SLC26A2: variants seen among roughly 807,000 people sequenced by gnomAD.
The protein encoded by SLC26A2 is solute carrier family 26 member 2.
A neutral mutation model predicts 41.1 loss-of-function variants in SLC26A2; 36 were observed. That is an observed-to-expected ratio of 0.88 (90% confidence interval 0.67 to 1.16). SLC26A2 has a LOEUF of 1.16. Ranked by LOEUF, SLC26A2 falls within the 50% of genes most tolerant of loss-of-function variation. The pLI is 0.00. For synonymous variants in SLC26A2, 291 were observed against 311.6 expected (o/e 0.93, Z 0.70); for missense variants, 796 against 869.6 (o/e 0.92, Z 1.07).
At position 149,982,847 on chromosome 5, in the gene SLC26A2, G is replaced by GTAT. The variant is rs1755133593; in HGVS notation, c.*1039_*1041dup. 2 of 152,170 alleles carry GTAT rather than the reference G, an allele frequency of 1.3e-5. No individual in the cohort carries two copies. Among genetic ancestry groups the GTAT allele is most frequent in the South Asian group, 4.1e-4 (2 of 4,828 alleles). 9.4% of individuals were successfully genotyped at this position (152,170 alleles called of 1,614,324 possible). ...TTCATAAAACCCAAGTGCTATGGGT[G>GTAT]TATTATTCATGATAGCTGGCCCACA... On this transcript the variant is annotated 3_prime_UTR_variant, in exon 3 of 3. Transcript: ENST00000286298.
intron 1 of SLC26A2, among the ~76,000 whole-genome samples, chr5:149,977,077 AT>A (rs1215102631): frequency 6.6e-6 from 1 of 152,234 alleles, no homozygotes; most frequent in Non-Finnish European, 1.5e-5. Context: ...TGCTAAAAAC[AT>A]TTATCTTTAC....
At chr5:149,966,686 T>G (rs1392873902) in intron 1 of SLC26A2, among the ~76,000 whole-genome samples, 1 of 152,206 alleles carries the variant, frequency 6.6e-6, no homozygotes, top group Non-Finnish European at 1.5e-5. Flanking sequence ...TGAGCATTTC[T>G]TTTGAGCATC....
At chr5:149,969,159 A>G (rs1290126369) in intron 1 of SLC26A2, among the ~76,000 whole-genome samples, 1 of 152,200 alleles carries the variant, frequency 6.6e-6, no homozygotes, top group African/African-American at 2.4e-5. Flanking sequence ...TCCATCAAAA[A>G]CTTTATTAGA....
intron 1 of SLC26A2, among the ~76,000 whole-genome samples, chr5:149,970,223 T>G (rs1206812399): frequency 1.3e-5 from 2 of 152,024 alleles, no homozygotes; most frequent in Non-Finnish European, 2.9e-5. Flanking sequence ...ACATATAAAC[T>G]GAGGCCAGGC....
intron 1 of SLC26A2, among the ~76,000 whole-genome samples, chr5:149,971,404 T>C (rs1344881872): frequency 6.6e-6 from 1 of 152,176 alleles, no homozygotes; most frequent in African/African-American, 2.4e-5. Flanking sequence ...TTCTTTTTCT[T>C]TTTTCTTTTC....
In SLC26A2 at chr5:149,982,015, T is replaced by TA. The variant is rs1755117024; in HGVS notation, c.*203dup. ...CTGGACAGAGTCAAAAAGAAGAAAA[T>TA]ACGGTTTCAGGCTTTCTTGCAGATA... On this transcript the variant is annotated 3_prime_UTR_variant, in exon 3 of 3. Transcript: ENST00000286298. The TA allele has an allele frequency of 1.2e-5, 7 of 578,600 alleles. No individual in the cohort carries two copies. The South Asian group carries it at 1.3e-4, about 11-fold the overall frequency. The allele number at this position is 578,600 out of a possible 1,614,324, so 35.8% of individuals were successfully genotyped here.
At chr5:149,977,100 C>A (rs1310338032) in intron 1 of SLC26A2, among the ~76,000 whole-genome samples, 2 of 152,192 alleles carry the variant, frequency 1.3e-5, no homozygotes, top group Non-Finnish European at 2.9e-5. Flanking sequence ...CTACAACCTA[C>A]TTTTCTATTT....
chr5:149,981,327 C>T lies in SLC26A2; in HGVS notation c.1734C>T (p.Ile578=). 1 of 1,614,112 alleles carries T rather than the reference C, an allele frequency of 6.2e-7. No individual in the cohort carries two copies. The highest frequency in any genetic ancestry group is 8.5e-7 in the Non-Finnish European group (1 of 1,179,992). The change falls in exon 3 of 3, where the codon ATC becomes ATT. Residue 578 remains isoleucine, a synonymous_variant. Coordinates refer to ENST00000286298, the MANE Select transcript of SLC26A2 (RefSeq NM_000112.4). ...AYKNLQIKPG[I]KIFRFVAPLY... ...AGAACCTTCAGATTAAGCCAGGCAT[C>T]AAGATTTTCCGCTTTGTAGCCCCTC...
At chr5:149,961,098 G>C (rs1257420852) in intron 1 of SLC26A2, 119 bp downstream of exon 1, 3 of 152,514 alleles carry the variant, frequency 2.0e-5, no homozygotes, top group Non-Finnish European at 4.4e-5. Flanking sequence ...TCCCAGATCA[G>C]GGGTCGCCGC....
chr5:149,978,459 T>C, intron 2 of SLC26A2, 108 bp downstream of exon 2: 1 of 1,011,256 alleles, frequency 9.9e-7, no homozygotes, highest in East Asian at 2.5e-5. Context: ...GTATCATTTA[T>C]TGAGAGTTCA....
chr5:149,977,651 A>T lies in SLC26A2; in HGVS notation c.-2A>T. 1 of 1,608,010 alleles carries T rather than the reference A, an allele frequency of 6.2e-7. No individual in the cohort carries two copies. Among genetic ancestry groups the T allele is most frequent in the East Asian group, 2.2e-5 (1 of 44,850 alleles). On this transcript the variant is annotated 5_prime_UTR_variant, in exon 2 of 3. Coordinates refer to ENST00000286298, the MANE Select transcript of SLC26A2 (RefSeq NM_000112.4). ...AGGAAGCTGAACCATCTATCTCCAG[A>T]AATGTCTTCAGAAAGTAAAGAGCAA...
In SLC26A2 at chr5:149,977,560, G is replaced by T. The variant is rs989523237; in HGVS notation, c.-25-68G>T. On this transcript the variant is annotated intron_variant, in intron 1 of 2. Coordinates refer to ENST00000286298, the MANE Select transcript of SLC26A2 (RefSeq NM_000112.4). ...TTTAACTCTCATGAAATGACAAATA[G>T]AATTGTTAGTATATGTGAGCACTGA... 37 of 839,424 alleles carry T rather than the reference G, an allele frequency of 4.4e-5. No individual in the cohort carries two copies. In the Admixed American group the frequency reaches 6.4e-4, roughly 15 times the overall value. 52.0% of individuals were successfully genotyped at this position (839,424 alleles called of 1,614,324 possible).
chr5:149,975,956 G>A (rs1237364177), intron 1 of SLC26A2, among the ~76,000 whole-genome samples: 3 of 152,140 alleles, frequency 2.0e-5, no homozygotes, highest in African/African-American at 4.8e-5. Context: ...TTAGGACTTC[G>A]AGACCAGCCT....
In SLC26A2 at chr5:149,980,622, C is replaced by T. The variant is rs1755079512; in HGVS notation, c.1029C>T (p.Ala343=). The change falls in exon 3 of 3, where the codon GCC becomes GCT. Residue 343 remains alanine, a synonymous_variant. Coordinates refer to ENST00000286298, the MANE Select transcript of SLC26A2 (RefSeq NM_000112.4). ...TTGAACTTGTTGTTGTTGTAGCAGC[C>T]ACATTAGCCTCTCATTTTGGAAAAC... The part of the protein sequence containing the change: ...IPIELVVVVA[A]TLASHFGKLH... 1 of 1,614,026 alleles carries T rather than the reference C, an allele frequency of 6.2e-7. No individual in the cohort carries two copies. The highest frequency in any genetic ancestry group is 8.5e-7 in the Non-Finnish European group (1 of 1,179,906).
chr5:149,963,234 C>A (rs1754743731), intron 1 of SLC26A2, among the ~76,000 whole-genome samples: 1 of 151,234 alleles, frequency 6.6e-6, no homozygotes, highest in Admixed American at 6.6e-5. Flanking sequence ...GTCAGCCTCC[C>A]AAGTAGCTGG....
intron 2 of SLC26A2, among the ~76,000 whole-genome samples, chr5:149,978,879 A>T (rs1447428447): frequency 6.6e-6 from 1 of 151,216 alleles, no homozygotes; most frequent in Non-Finnish European, 1.5e-5. Flanking sequence ...ATTTTATTTT[A>T]TTTTTTATTT....
chr5:149,976,627 A>G (rs1157134628), intron 1 of SLC26A2, among the ~76,000 whole-genome samples: 1 of 152,078 alleles, frequency 6.6e-6, no homozygotes, highest in Non-Finnish European at 1.5e-5. Context: ...CGGTTATTAG[A>G]CTTACTATTT....
rs868033763 is a variant in SLC26A2, at chr5:149,986,964, A to T, written c.*5151A>T. 1 of 152,260 alleles carries T rather than the reference A, an allele frequency of 6.6e-6. No individual in the cohort carries two copies. Among genetic ancestry groups the T allele is most frequent in the Non-Finnish European group, 1.5e-5 (1 of 68,042 alleles). The allele number at this position is 152,260 out of a possible 1,614,324, so 9.4% of individuals were successfully genotyped here. A position where few individuals can be genotyped will look rare whatever the true frequency, so the allele number is the denominator to read the frequency against. On this transcript the variant is annotated 3_prime_UTR_variant, in exon 3 of 3. Transcript: ENST00000286298. ...TTCTCAGAAATGAGTGTGTATGAAC[A>T]TACCAATCTATGTAATAGGCTACCT...
Position 149,985,885 on chromosome 5 carries a change from A to G in SLC26A2, c.*4072A>G, listed in dbSNP as rs1755190553. 6.6e-6 allele frequency: 1 copy of G among 152,176 alleles called. No homozygotes were observed. The highest frequency in any genetic ancestry group is 2.4e-5 in the African/African-American group (1 of 41,424). The allele number at this position is 152,176 out of a possible 1,614,324, so 9.4% of individuals were successfully genotyped here. A position where few individuals can be genotyped will look rare whatever the true frequency, so the allele number is the denominator to read the frequency against. ...AGGGAACACACTAGGGTACTTAGGG[A>G]GGTGCTTTGTGGAGCATGTTGAAGC... On this transcript the variant is annotated 3_prime_UTR_variant, in exon 3 of 3. Transcript: ENST00000286298.
Sources: allele counts gnomAD v4.1 joint callset (sites outside exome capture counted in the v4.1 genomes callset), GRCh38; gene constraint gnomAD v4.1.1; transcripts MANE v1.5; gene names NCBI Gene and HGNC (gene_info 2026-07-23, HGNC 2026-07-21).